The following CYLD variants were observed in gnomAD, a reference collection of about 807,000 sequenced individuals.
The protein encoded by CYLD is CYLD lysine 63 deubiquitinase.
CYLD carries 26 observed loss-of-function variants against 104.5 expected under a neutral mutation model. The observed-to-expected ratio is 0.25, with a 90% CI of 0.18 to 0.35. CYLD has a LOEUF of 0.35. Among genes scored for constraint, CYLD ranks in the 10% least tolerant of loss-of-function variants. The probability of loss-of-function intolerance (pLI) is 1.00; values close to 1 mark genes in which losing one functional copy is unlikely to be tolerated. For missense variants in CYLD, 703 were observed against 1,136.1 expected, an observed-to-expected ratio of 0.62 and a Z score of 5.48; for synonymous variants, 385 against 399.9, an observed-to-expected ratio of 0.96 and a Z score of 0.45.
chr16:50,742,516 G>A (rs1296247542), intron 1 of CYLD: 2 of 328,240 alleles, frequency 6.1e-6, no homozygotes, highest in Non-Finnish European at 1.1e-5. Context: ...GACTTGGGGC[G>A]GGAGCCGCGC....
chr16:50,751,332 A>G (rs1463495697), intron 3 of CYLD, among the ~76,000 whole-genome samples: 1 of 152,202 alleles, frequency 6.6e-6, no homozygotes, highest in African/African-American at 2.4e-5. Flanking sequence ...AACCAAATTA[A>G]TGTTAGAATC....
At chr16:50,742,656 G>A in intron 1 of CYLD, 106 bp from the exon 2 acceptor site, 1 of 391,902 alleles carries the variant, frequency 2.6e-6, no homozygotes, top group Non-Finnish European at 4.5e-6. Flanking sequence ...CGACCGCGCC[G>A]CGGGGCGTAC....
chr16:50,778,313 ATTT>A (rs1969886900), intron 8 of CYLD: 2 of 163,744 alleles, frequency 1.2e-5, no homozygotes, highest in Non-Finnish European at 2.7e-5. Context: ...TTCAACAAAT[ATTT>A]ATTGAGTGCT....
rs193116325 is a variant in CYLD, at chr16:50,790,421, T to G, written c.2109-1137T>G. Among the ~76,000 whole-genome samples the G allele has an allele frequency of 1.6e-3, 240 of 152,298 alleles. 2 individuals carry two copies. The highest frequency in any genetic ancestry group is 2.8e-4 in the Non-Finnish European group (19 of 68,018). ...TATGATTACAACTACTTACCTCTAC[T>G]ACTTCCTGGTTTCTTATTTTCCTCT... On this transcript the variant is annotated intron_variant, in intron 14 of 18. Transcript: ENST00000427738.
In CYLD at chr16:50,777,697, GT is replaced by G. The variant is rs1271146201; in HGVS notation, c.1022-125del. The stretch of plus-strand genomic sequence containing the variant: ...TGAAGACAGTTAAAAAACATATTGT[GT>G]TTATATACATTTATTGGTTATGTAA... On this transcript the variant is annotated intron_variant, in intron 7 of 18. Coordinates refer to ENST00000427738, the MANE Select transcript of CYLD (RefSeq NM_001378743.1). The G allele has an allele frequency of 4.7e-6, 3 of 638,660 alleles. No individual in the cohort carries two copies. The African/African-American group carries it at 5.6e-5, about 12-fold the overall frequency. The allele number at this position is 638,660 out of a possible 1,614,324, so 39.6% of individuals were successfully genotyped here.
chr16:50,766,299 CAT>C (rs563816726), intron 5 of CYLD, among the ~76,000 whole-genome samples: 20 of 152,306 alleles, frequency 1.3e-4, no homozygotes, highest in Non-Finnish European at 2.2e-4. Flanking sequence ...GATGACAACA[CAT>C]GTGTTTATAG....
intron 12 of CYLD, chr16:50,786,571 C>A: frequency 6.0e-6 from 2 of 331,504 alleles, no homozygotes; most frequent in South Asian, 2.8e-5. Context: ...AGCAGCCTGG[C>A]CAACATGGTG....
At position 50,751,598 on chromosome 16, in the gene CYLD, A is replaced by T; in HGVS notation, c.505-6A>T. 4 of 1,613,200 alleles carry T rather than the reference A, an allele frequency of 2.5e-6. No homozygotes were observed. Among genetic ancestry groups the T allele is most frequent in the Non-Finnish European group, 3.4e-6 (4 of 1,179,320 alleles). Reference sequence around the variant, plus strand: ...CTATTTCTTTCCCTTCTCTCTTAAAAACTAGGAAGAAGGTCGTGGTCAAGG... The same window carrying T: ...CTATTTCTTTCCCTTCTCTCTTAAATACTAGGAAGAAGGTCGTGGTCAAGG... On this transcript the variant is annotated splice_region_variant and splice_polypyrimidine_tract_variant and intron_variant, in intron 3 of 18. Transcript: ENST00000427738.
chr16:50,793,607 C>G lies in CYLD; in HGVS notation c.2412C>G (p.Asp804Glu). The G allele has an allele frequency of 6.2e-7, 1 of 1,613,960 alleles. No homozygotes were observed. Among genetic ancestry groups the G allele is most frequent in the South Asian group, 1.1e-5 (1 of 91,070 alleles). Residue 804 changes from aspartate (D) to glutamate (E), a missense_variant, in exon 17 of 19, where the codon GAC becomes GAG. Asp to Glu is a conservative substitution (Grantham distance 45). Around this residue, in one of 5 missense-constraint regions of CYLD, gnomAD observed 130 missense variants for 220.2 expected, o/e 0.59. Transcript: ENST00000427738. Reference protein sequence around the residue: ...LAMYECRECYDDPDISAGKIK... With the variant: ...LAMYECRECYEDPDISAGKIK... The stretch of plus-strand genomic sequence containing the variant: ...TGTATGAGTGTAGAGAATGCTACGA[C>G]GATCCGGACATCTCAGCTGGAAAAA...
chr16:50,786,048 T>C (rs1236766146), intron 12 of CYLD: 1 of 152,224 alleles, frequency 6.6e-6, no homozygotes, highest in East Asian at 1.9e-4. Context: ...AAAGTGATAT[T>C]AAACTGATTG....
chr16:50,769,524 T>C (rs1050807891), intron 5 of CYLD, among the ~76,000 whole-genome samples: 17 of 152,240 alleles, frequency 1.1e-4, no homozygotes, highest in Non-Finnish European at 2.4e-4. Context: ...TGTTTCTTTA[T>C]GATTGGGTTT....
intron 5 of CYLD, among the ~76,000 whole-genome samples, chr16:50,762,381 A>T (rs1968048088): frequency 6.6e-6 from 1 of 152,218 alleles, no homozygotes. Flanking sequence ...GATATGAAAT[A>T]TGGGTACAGA....
Position 50,794,201 on chromosome 16 carries a change from G to T in CYLD, c.2470-11G>T, listed in dbSNP as rs759172924. On this transcript the variant is annotated splice_polypyrimidine_tract_variant and intron_variant, in intron 17 of 18. Transcript: ENST00000427738. The surrounding 1 kb of genome is among the most constrained non-coding windows in gnomAD (Gnocchi z 4.1). ...TCGGCCTAATGACATTCTTTTCATGGTCCATTTTAGGTCCACCTTCATCCG... is the reference window on the plus strand; with the variant it reads ...TCGGCCTAATGACATTCTTTTCATGTTCCATTTTAGGTCCACCTTCATCCG... 1.9e-6 allele frequency: 3 copies of T among 1,612,460 alleles called. No individual in the cohort carries two copies. The highest frequency in any genetic ancestry group is 1.7e-6 in the Non-Finnish European group (2 of 1,178,762).
chr16:50,742,972 G>A (rs1343492758), intron 2 of CYLD, 131 bp downstream of exon 2: 1 of 395,948 alleles, frequency 2.5e-6, no homozygotes, highest in African/African-American at 2.1e-5. Context: ...GTCAGCTGCC[G>A]GTTATTCATG....
chr16:50,767,929 T>C (rs1181860338), intron 5 of CYLD, among the ~76,000 whole-genome samples: 1 of 152,204 alleles, frequency 6.6e-6, no homozygotes, highest in Non-Finnish European at 1.5e-5. Context: ...AAGGAATTCT[T>C]CATTAGTAGT....
Position 50,801,811 on chromosome 16 carries a change from T to C in CYLD, c.*5303T>C, listed in dbSNP as rs928088853. On this transcript the variant is annotated 3_prime_UTR_variant, in exon 19 of 19. Coordinates refer to ENST00000427738, the MANE Select transcript of CYLD (RefSeq NM_001378743.1). ...GAAGACCACCACATAGAATACCCCTTCCTATCAGCTCGCTCTGATTTAGCC... is the reference window on the plus strand; with the variant it reads ...GAAGACCACCACATAGAATACCCCTCCCTATCAGCTCGCTCTGATTTAGCC... 1 of 233,332 alleles carries C rather than the reference T, an allele frequency of 4.3e-6. No homozygotes were observed. Among genetic ancestry groups the C allele is most frequent in the Non-Finnish European group, 8.5e-6 (1 of 117,832 alleles). 14.5% of individuals were successfully genotyped at this position (233,332 alleles called of 1,614,324 possible).
chr16:50,753,001 G>T (rs1322784563), intron 4 of CYLD, among the ~76,000 whole-genome samples: 1 of 152,216 alleles, frequency 6.6e-6, no homozygotes, highest in East Asian at 1.9e-4. Flanking sequence ...AGGAGGCGAT[G>T]TGAGTAGTAA....
At chr16:50,755,364 A>G (rs73577609) in intron 5 of CYLD, among the ~76,000 whole-genome samples, 8,615 of 151,908 alleles carry the variant, frequency 0.057, 790 homozygotes, top group African/African-American at 0.2. Context: ...TCTTTTTCCT[A>G]TAATCACTTT....
intron 2 of CYLD, among the ~76,000 whole-genome samples, chr16:50,747,463 G>A (rs1265331759): frequency 6.6e-6 from 1 of 152,180 alleles, no homozygotes; most frequent in East Asian, 1.9e-4. Context: ...CAGCCTTGCA[G>A]ATCAAGAGTT....
Sources: gnomAD v4.1 joint callset for allele counts (sites outside exome capture counted in the v4.1 genomes callset) on GRCh38, gnomAD v4.1.1 for gene constraint, gnomAD v4.1.1 regional missense constraint, Gnocchi (gnomAD v3.1) non-coding constraint, MANE v1.5 for transcripts, NCBI Gene and HGNC (gene_info 2026-07-23, HGNC 2026-07-21) for gene names.